INO80: variants seen among roughly 807,000 people sequenced by gnomAD.
INO80 encodes the protein INO80 complex ATPase subunit, also known as chromatin-remodeling ATPase INO80.
A neutral mutation model predicts 203.4 loss-of-function variants in INO80; 20 were observed. The observed-to-expected ratio is 0.10, with a 90% CI of 0.07 to 0.14. The LOEUF (loss-of-function observed/expected upper bound fraction) is 0.14. Among genes scored for constraint, INO80 ranks in the 10% least tolerant of loss-of-function variants. The pLI is 1.00. For synonymous variants in INO80, 726 were observed against 685.2 expected, an observed-to-expected ratio of 1.06 and a Z score of -0.93; for missense variants, 1,419 against 1,914.4, an observed-to-expected ratio of 0.74 and a Z score of 4.83.
intron 15 of INO80, among the ~76,000 whole-genome samples, 197 bp from the exon 16 acceptor site, chr15:41,058,978 G>T (rs772682167): frequency 2.6e-5 from 4 of 151,962 alleles, no homozygotes; most frequent in Admixed American, 6.6e-5. Flanking sequence ...TGTTGAGAGG[G>T]TCTCACTCCG....
chr15:41,058,896 C>A, intron 15 of INO80, 115 bp from the exon 16 acceptor site: 1 of 925,484 alleles, frequency 1.1e-6, no homozygotes, highest in Non-Finnish European at 1.6e-6. Flanking sequence ...TGAAGATGTG[C>A]TTCTCCCATA....
At chr15:41,013,046 C>T (rs565990837) in intron 27 of INO80, 1 of 151,472 alleles carries the variant, frequency 6.6e-6, no homozygotes, top group East Asian at 1.9e-4. Context: ...GTCCCAGAAA[C>T]AGACAGCCAG....
intron 24 of INO80, among the ~76,000 whole-genome samples, chr15:41,033,104 G>A (rs1434841748): frequency 1.3e-5 from 2 of 152,072 alleles, no homozygotes; most frequent in African/African-American, 4.8e-5. Context: ...CCATTACCAT[G>A]ACAACAGTTT....
chr15:41,069,465 C>T (rs1456338351), intron 14 of INO80, 105 bp downstream of exon 14: 10 of 630,374 alleles, frequency 1.6e-5, no homozygotes, highest in African/African-American at 3.8e-5. Context: ...CCCCCAAGTC[C>T]GGCCAAAATT....
chr15:41,080,644 T>C (rs1031022156), intron 8 of INO80, among the ~76,000 whole-genome samples: 13 of 152,126 alleles, frequency 8.5e-5, no homozygotes, highest in African/African-American at 2.9e-4. Flanking sequence ...TCACCTGAGG[T>C]CAGGAGTTCA....
rs769226396 is a variant in INO80, at chr15:41,016,093, G to T, written c.3397C>A (p.Leu1133Met). 2 of 1,612,504 alleles carry T rather than the reference G, an allele frequency of 1.2e-6. No individual in the cohort carries two copies. Among genetic ancestry groups the T allele is most frequent in the Non-Finnish European group, 1.7e-6 (2 of 1,179,032 alleles). ...CCCAAGATTCCCTCTCCTACCTCCA[G>T]TAGGTCTATCATCCTGGTCATCTGG... ...YSQMTRMIDLLEEYMVYRKHT... is the reference protein window; with the variant it reads ...YSQMTRMIDLMEEYMVYRKHT... Residue 1133 changes from leucine to methionine, a missense_variant, in exon 27 of 36, where the codon CTG (leucine) becomes ATG (methionine). Transcript: ENST00000648947.
At chr15:41,073,291 A>G (rs2045353343) in intron 11 of INO80, 137 bp downstream of exon 11, 1 of 712,964 alleles carries the variant, frequency 1.4e-6, no homozygotes, top group African/African-American at 1.8e-5. Flanking sequence ...ACACACAGCT[A>G]CTCACACACA....
intron 17 of INO80, 77 bp from the exon 18 acceptor site, chr15:41,055,441 A>C: frequency 1.1e-6 from 1 of 901,670 alleles, no homozygotes; most frequent in South Asian, 1.7e-5. Flanking sequence ...GATAGAGAAA[A>C]TTGCAGGTGT....
chr15:40,983,037 G>A lies in INO80; in HGVS notation c.4278C>T (p.His1426=). The change falls in exon 35 of 36, where the codon CAC becomes CAT. Residue 1426 remains histidine, a synonymous_variant. Transcript: ENST00000648947. ...TGGGGCGGCCTCGGCTTCGGGCTGAGTGACCACGTCCTGCAGCTGGCATTT... is the reference window on the plus strand; with the variant it reads ...TGGGGCGGCCTCGGCTTCGGGCTGAATGACCACGTCCTGCAGCTGGCATTT... ...IQEMPAAGRG[H]SARSRGRPKG... is the part of the protein sequence containing the mutation. 6.2e-7 allele frequency: 1 copy of A among 1,613,978 alleles called. No individual in the cohort carries two copies. Among genetic ancestry groups the A allele is most frequent in the Non-Finnish European group, 8.5e-7 (1 of 1,180,024 alleles).
intron 1 of INO80, among the ~76,000 whole-genome samples, chr15:41,112,285 A>G (rs2045969031): frequency 1.3e-5 from 2 of 152,274 alleles, no homozygotes; most frequent in Admixed American, 6.6e-5. Context: ...TACTGGCTAT[A>G]TGATTTAACT....
chr15:41,060,974 T>C (rs1280825450), intron 14 of INO80, among the ~76,000 whole-genome samples: 2 of 152,110 alleles, frequency 1.3e-5, no homozygotes, highest in East Asian at 1.9e-4. Flanking sequence ...GAAAGAAAGA[T>C]AACGTACACA....
chr15:41,025,687 C>T (rs980266950), intron 25 of INO80, among the ~76,000 whole-genome samples: 1 of 152,010 alleles, frequency 6.6e-6, no homozygotes, highest in Admixed American at 6.6e-5. Context: ...TGCACTCCAG[C>T]CTGGGTGAGA....
chr15:41,009,392 C>T (rs1218584216), intron 27 of INO80, among the ~76,000 whole-genome samples: 1 of 119,764 alleles, frequency 8.3e-6, no homozygotes, highest in Non-Finnish European at 1.7e-5. Flanking sequence ...CTCCCCCCAC[C>T]CCACAACAGT....
intron 24 of INO80, among the ~76,000 whole-genome samples, chr15:41,028,455 T>C (rs889587685): frequency 3.3e-5 from 5 of 152,228 alleles, no homozygotes; most frequent in Non-Finnish European, 7.3e-5. Flanking sequence ...TAAATTTTTC[T>C]TTAAGGCAGT....
chr15:41,101,009 T>C (rs986492086), intron 1 of INO80, among the ~76,000 whole-genome samples: 7 of 151,990 alleles, frequency 4.6e-5, no homozygotes, highest in South Asian at 2.1e-4. Context: ...TTTGTATTTT[T>C]AGTAGAGATG....
intron 1 of INO80, among the ~76,000 whole-genome samples, chr15:41,114,382 A>T (rs988724655): frequency 1.3e-5 from 2 of 152,168 alleles, no homozygotes; most frequent in African/African-American, 4.8e-5. Context: ...TTCAAACATA[A>T]AATGCAACTA....
chr15:41,106,075 T>G (rs983179449), intron 1 of INO80, among the ~76,000 whole-genome samples: 1 of 151,936 alleles, frequency 6.6e-6, no homozygotes, highest in East Asian at 1.9e-4. Context: ...CTGGGTAACA[T>G]AGGGAGACCC....
chr15:41,057,817 A>AAAGAAAG (rs1555403661), intron 16 of INO80, among the ~76,000 whole-genome samples: 80 of 138,568 alleles, frequency 5.8e-4, no homozygotes, highest in African/African-American at 2.2e-3. Flanking sequence ...AAAAAAAAAA[A>AAAGAAAG]AAAGAAAGAA....
chr15:41,030,261 G>A (rs903683370), intron 24 of INO80, among the ~76,000 whole-genome samples: 1 of 152,186 alleles, frequency 6.6e-6, no homozygotes, highest in Non-Finnish European at 1.5e-5. Context: ...ACCATAGGGA[G>A]TTCTTTTAAC....
Sources: gnomAD v4.1 joint callset for allele counts (sites outside exome capture counted in the v4.1 genomes callset) on GRCh38, gnomAD v4.1.1 for gene constraint, MANE v1.5 for transcripts, NCBI Gene and HGNC (gene_info 2026-07-23, HGNC 2026-07-21) for gene names.